The following SIPA1L3 variants were observed in gnomAD, a reference collection of about 807,000 sequenced individuals.
SIPA1L3 encodes the protein signal induced proliferation associated 1 like 3.
In SIPA1L3, 59 loss-of-function variants were observed where a neutral mutation model predicts 150.1. That is an observed-to-expected ratio of 0.39 (90% CI 0.32 to 0.49). The LOEUF (loss-of-function observed/expected upper bound fraction) is 0.49. SIPA1L3 is among the 20% of genes least tolerant of loss of function. The pLI is 0.86. For synonymous variants in SIPA1L3, 1,070 were observed against 1,077.6 expected (o/e 0.99, Z 0.14); for missense variants, 2,211 against 2,489.5 (o/e 0.89, Z 2.38).
intron 1 of SIPA1L3, among the ~76,000 whole-genome samples, chr19:37,909,894 C>T (rs148732036): frequency 1.6e-4 from 24 of 151,532 alleles, no homozygotes; most frequent in African/African-American, 2.9e-4. Flanking sequence ...TGATAGAAAC[C>T]GGTGGCCTCA....
rs1167892035 is a variant in SIPA1L3, at chr19:38,195,050, C to CAAA, written c.4840+1281_4840+1283dup. Among the ~76,000 whole-genome samples the CAAA allele has an allele frequency of 3.5e-5, 5 of 142,292 alleles. 1 individual carries two copies. Among genetic ancestry groups the CAAA allele is most frequent in the African/African-American group, 1.3e-4 (5 of 38,952 alleles). The allele number at this position is 142,292 out of a possible 152,430, so 93.3% of individuals were successfully genotyped here. On this transcript the variant is annotated intron_variant, in intron 18 of 21. Transcript: ENST00000222345. ...TGGGTGACAGAGCCAGACTCCATCT[C>CAAA]AAAAAAAAAAAAACTTCCCCTGCAG... is the stretch of plus-strand genomic sequence containing the variant.
At chr19:38,057,249 G>C (rs1396458551) in intron 2 of SIPA1L3, among the ~76,000 whole-genome samples, 4 of 151,460 alleles carry the variant, frequency 2.6e-5, no homozygotes, top group African/African-American at 9.7e-5. Flanking sequence ...CCAGCCTAGA[G>C]TGCACTCCAG....
chr19:38,109,935 A>G, intron 7 of SIPA1L3: 1 of 366,580 alleles, frequency 2.7e-6, no homozygotes, highest in Non-Finnish European at 5.1e-6. Flanking sequence ...CAAGACCAGA[A>G]GAGGTGACGA....
intron 9 of SIPA1L3, among the ~76,000 whole-genome samples, chr19:38,127,989 C>T (rs891779374): frequency 7.3e-5 from 11 of 150,168 alleles, no homozygotes; most frequent in South Asian, 2.1e-4. Context: ...CTTTCAACTT[C>T]ACGGATGGCA....
intron 2 of SIPA1L3, among the ~76,000 whole-genome samples, chr19:38,039,759 A>G (rs1296602989): frequency 6.6e-6 from 1 of 151,850 alleles, no homozygotes; most frequent in African/African-American, 2.4e-5. Flanking sequence ...TGAACAACAT[A>G]ATCAGCTGCC....
rs565979400 is a variant in SIPA1L3, at chr19:38,141,390, C to T, written c.3350C>T (p.Thr1117Ile). ...TCCCTGAGCCGGCCCCTGAAGCAGACCCCCATAGTCCCCTTCCGGGAGTCC... is the reference window on the plus strand; with the variant it reads ...TCCCTGAGCCGGCCCCTGAAGCAGATCCCCATAGTCCCCTTCCGGGAGTCC... ...AQSLSRPLKQTPIVPFRESQP... is the reference protein window; with the variant it reads ...AQSLSRPLKQIPIVPFRESQP... The change falls in exon 11 of 22, where the codon ACC becomes ATC. Residue 1117 changes from threonine (T) to isoleucine (I), a missense_variant. Physicochemically the swap from Thr to Ile is moderately conservative, Grantham distance 89. Transcript: ENST00000222345. The T allele has an allele frequency of 6.2e-7, 1 of 1,613,006 alleles. No individual in the cohort carries two copies. The highest frequency in any genetic ancestry group is 1.1e-5 in the South Asian group (1 of 91,080).
At chr19:37,927,711 A>C (rs374453935) in intron 1 of SIPA1L3, among the ~76,000 whole-genome samples, 2 of 136,892 alleles carry the variant, frequency 1.5e-5, no homozygotes, top group African/African-American at 5.5e-5. Flanking sequence ...TTTAGCTCTC[A>C]CTTGTAAGAA....
chr19:37,947,259 G>A (rs1426498794), intron 1 of SIPA1L3, among the ~76,000 whole-genome samples: 1 of 151,864 alleles, frequency 6.6e-6, no homozygotes, highest in East Asian at 1.9e-4. Flanking sequence ...GGAGGCCGAG[G>A]CGGGCGGATC....
At chr19:38,133,796 A>G (rs1341883730) in intron 10 of SIPA1L3, among the ~76,000 whole-genome samples, 1 of 152,056 alleles carries the variant, frequency 6.6e-6, no homozygotes, top group African/African-American at 2.4e-5. Flanking sequence ...CGTCCTTTCC[A>G]CAAGAGCGTT....
intron 13 of SIPA1L3, among the ~76,000 whole-genome samples, chr19:38,157,865 T>G (rs964757492): frequency 3.3e-5 from 5 of 152,146 alleles, no homozygotes; most frequent in Admixed American, 3.3e-4. Context: ...TTCTGCCTTA[T>G]TGGAGCTGAA....
At chr19:38,148,656 C>T (rs1021765177) in intron 12 of SIPA1L3, among the ~76,000 whole-genome samples, 3 of 152,132 alleles carry the variant, frequency 2.0e-5, no homozygotes, top group African/African-American at 2.4e-5. Flanking sequence ...CTCTGCCCGG[C>T]GAGGCTCCTG....
intron 4 of SIPA1L3, among the ~76,000 whole-genome samples, 175 bp from the exon 5 acceptor site, chr19:38,099,787 C>G (rs577203727): frequency 6.6e-6 from 1 of 152,354 alleles, no homozygotes; most frequent in South Asian, 2.1e-4. Flanking sequence ...GTCAAGACCG[C>G]ACAGCCAGGA....
intron 11 of SIPA1L3, 24 bp from the exon 12 acceptor site, chr19:38,142,549 C>T: frequency 1.1e-5 from 18 of 1,589,402 alleles, no homozygotes; most frequent in Non-Finnish European, 1.5e-5. Flanking sequence ...CCCTCTGCCT[C>T]CTTCCTCCCC....
chr19:38,167,946 G>A (rs1472339434), intron 15 of SIPA1L3, among the ~76,000 whole-genome samples: 1 of 152,126 alleles, frequency 6.6e-6, no homozygotes, highest in East Asian at 1.9e-4. Flanking sequence ...CCATTCATAA[G>A]TATTTCTTAG....
intron 18 of SIPA1L3, among the ~76,000 whole-genome samples, chr19:38,194,035 C>T (rs577912826): frequency 1.3e-5 from 2 of 152,086 alleles, no homozygotes; most frequent in South Asian, 2.1e-4. Flanking sequence ...ATTGGAGTCA[C>T]CTGAGACCAG....
chr19:38,069,855 T>C (rs1035767804), intron 2 of SIPA1L3, among the ~76,000 whole-genome samples: 9 of 151,394 alleles, frequency 5.9e-5, no homozygotes, highest in African/African-American at 2.2e-4. Flanking sequence ...TTTGTATTTT[T>C]AGTAGAGATG....
At chr19:38,201,260 T>A (rs1973080958) in intron 19 of SIPA1L3, among the ~76,000 whole-genome samples, 1 of 152,252 alleles carries the variant, frequency 6.6e-6, no homozygotes, top group Non-Finnish European at 1.5e-5. Flanking sequence ...AAGTCACGTT[T>A]GAAAACGCAA....
intron 8 of SIPA1L3, among the ~76,000 whole-genome samples, chr19:38,113,814 T>C (rs2145883815): frequency 6.6e-6 from 1 of 152,250 alleles, no homozygotes; most frequent in Non-Finnish European, 1.5e-5. Flanking sequence ...AATAAATAAT[T>C]CTGAGTGTTC....
intron 1 of SIPA1L3, among the ~76,000 whole-genome samples, chr19:37,914,457 C>A (rs543330429): frequency 6.6e-6 from 1 of 151,674 alleles, no homozygotes; most frequent in East Asian, 1.9e-4. Context: ...GCAACCTCTG[C>A]TTCCTGGGCT....
Sources: gnomAD v4.1 joint callset for allele counts (sites outside exome capture counted in the v4.1 genomes callset) on GRCh38, gnomAD v4.1.1 for gene constraint, MANE v1.5 for transcripts, NCBI Gene and HGNC (gene_info 2026-07-23, HGNC 2026-07-21) for gene names.